DLGAP1: variants seen among roughly 807,000 people sequenced by gnomAD.
DLGAP1 encodes the protein disks large-associated protein 1.
A neutral mutation model predicts 90.8 loss-of-function variants in DLGAP1; 11 were observed. The observed-to-expected ratio is 0.12, with a 90% CI of 0.08 to 0.20. DLGAP1 has a LOEUF of 0.20. DLGAP1 is among the 10% of genes least tolerant of loss of function. DLGAP1 has a pLI of 1.00. For synonymous variants in DLGAP1, 558 were observed against 540.7 expected (o/e 1.03, Z -0.44); for missense variants, 1,050 against 1,333.8 (o/e 0.79, Z 3.31).
chr18:3,667,848 C>A (rs879629326), intron 7 of DLGAP1, among the ~76,000 whole-genome samples: 7 of 152,242 alleles, frequency 4.6e-5, no homozygotes, highest in Non-Finnish European at 7.4e-5. Flanking sequence ...CTAGAATATG[C>A]CACTGTGGCA....
intron 7 of DLGAP1, among the ~76,000 whole-genome samples, chr18:3,728,118 A>T (rs973616894): frequency 2.0e-5 from 3 of 152,126 alleles, no homozygotes; most frequent in African/African-American, 7.2e-5. Context: ...TGCACCTAGC[A>T]CTAAAATGGA....
At chr18:4,095,851 C>T (rs977304158) in intron 2 of DLGAP1, among the ~76,000 whole-genome samples, 1 of 152,016 alleles carries the variant, frequency 6.6e-6, no homozygotes, top group African/African-American at 2.4e-5. Context: ...TTCTCCACCC[C>T]GAGAACATAA....
chr18:3,643,788 A>G (rs1217942845), intron 7 of DLGAP1, among the ~76,000 whole-genome samples: 2 of 152,168 alleles, frequency 1.3e-5, no homozygotes, highest in African/African-American at 4.8e-5. Context: ...TGGAAAACCC[A>G]AAAGTTTGAT....
chr18:4,178,702 A>C (rs2077159299), intron 1 of DLGAP1, among the ~76,000 whole-genome samples: 1 of 152,178 alleles, frequency 6.6e-6, no homozygotes. Context: ...CATATTTTAT[A>C]TTATGAAAAC....
Position 4,192,509 on chromosome 18 carries a change from T to C in DLGAP1, c.-266-41222A>G, listed in dbSNP as rs1471081731. Among the ~76,000 whole-genome samples the C allele has an allele frequency of 2.6e-5, 4 of 152,188 alleles. No homozygotes were observed. The East Asian group carries it at 7.7e-4, about 29-fold the overall frequency. On this transcript the variant is annotated intron_variant, in intron 1 of 12. Transcript: ENST00000315677. ...TACTTATCCTGTAACCCCAACTAAC[T>C]TGAAGTTCCCCTCTACCCTGCTCCG...
intron 2 of DLGAP1, among the ~76,000 whole-genome samples, chr18:4,144,455 T>C (rs1330979620): frequency 6.6e-6 from 1 of 152,132 alleles, no homozygotes; most frequent in Non-Finnish European, 1.5e-5. Context: ...CACACCGATT[T>C]CCTCTCTGAG....
At chr18:4,136,122 C>T (rs538322908) in intron 2 of DLGAP1, among the ~76,000 whole-genome samples, 5 of 152,016 alleles carry the variant, frequency 3.3e-5, no homozygotes, top group African/African-American at 1.2e-4. Context: ...CGACATACCA[C>T]ATTTTCTTTA....
chr18:4,058,898 G>A lies in DLGAP1; in HGVS notation c.-158-53697C>T, dbSNP rs532125548. ...ATCTGAGAAAAGAGACAATCATTTT[G>A]TTGCTAAAATGCTCTGAGTGAGAGT... On this transcript the variant is annotated intron_variant, in intron 2 of 12. Transcript: ENST00000315677. Among the ~76,000 whole-genome samples the A allele has an allele frequency of 1.3e-3, 191 of 152,324 alleles. 1 individual carries two copies. Among genetic ancestry groups the A allele is most frequent in the African/African-American group, 4.3e-3 (179 of 41,578 alleles).
chr18:3,935,607 T>C (rs1237244184), intron 3 of DLGAP1, among the ~76,000 whole-genome samples: 1 of 152,184 alleles, frequency 6.6e-6, no homozygotes, highest in African/African-American at 2.4e-5. Context: ...CATCTGCTAT[T>C]CTTGTTTGCC....
intron 4 of DLGAP1, among the ~76,000 whole-genome samples, chr18:3,877,311 G>A (rs2071029049): frequency 6.6e-6 from 1 of 152,176 alleles, no homozygotes; most frequent in African/African-American, 2.4e-5. Context: ...AAGGAAGGAA[G>A]AATGTAGGCA....
At chr18:3,567,434 C>T in intron 9 of DLGAP1, 56 bp downstream of exon 9, 1 of 1,453,762 alleles carries the variant, frequency 6.9e-7, no homozygotes, top group Non-Finnish European at 9.6e-7. Flanking sequence ...GGGAAAAATG[C>T]TTTTACCTTA....
intron 1 of DLGAP1, among the ~76,000 whole-genome samples, chr18:4,401,227 T>C (rs1640039145): frequency 6.6e-6 from 1 of 152,198 alleles, no homozygotes; most frequent in South Asian, 2.1e-4. Context: ...AAAACTCCTT[T>C]GTCAAAACGG....
At chr18:3,980,084 C>G (rs543310217) in intron 3 of DLGAP1, among the ~76,000 whole-genome samples, 2 of 152,036 alleles carry the variant, frequency 1.3e-5, no homozygotes, top group Admixed American at 6.6e-5. Flanking sequence ...TACAGTAAGC[C>G]AAGATAGTGC....
At chr18:4,420,939 C>T (rs570167126) in intron 1 of DLGAP1, among the ~76,000 whole-genome samples, 24 of 152,168 alleles carry the variant, frequency 1.6e-4, no homozygotes, top group Non-Finnish European at 2.8e-4. Flanking sequence ...GTCTGTTATA[C>T]ATGATGATAC....
At chr18:4,395,831 C>T (rs367922849) in intron 1 of DLGAP1, among the ~76,000 whole-genome samples, 6 of 152,160 alleles carry the variant, frequency 3.9e-5, no homozygotes, top group South Asian at 4.1e-4. Flanking sequence ...CATAATCAAA[C>T]GCCCAAGTAA....
intron 2 of DLGAP1, among the ~76,000 whole-genome samples, chr18:4,115,677 G>A (rs543191496): frequency 1.6e-4 from 24 of 152,024 alleles, no homozygotes; most frequent in Non-Finnish European, 2.6e-4. Flanking sequence ...TAGTACAGAC[G>A]GGGTTTCACC....
At chr18:4,285,037 T>A (rs886292536) in intron 1 of DLGAP1, among the ~76,000 whole-genome samples, 11 of 91,160 alleles carry the variant, frequency 1.2e-4, no homozygotes, top group Non-Finnish European at 2.2e-4. Flanking sequence ...AAAACTATTT[T>A]TTTTTACAAA....
chr18:3,906,486 C>G (rs2071909492), intron 3 of DLGAP1, among the ~76,000 whole-genome samples: 1 of 152,214 alleles, frequency 6.6e-6, no homozygotes, highest in Admixed American at 6.5e-5. Context: ...AGTACAGGAA[C>G]TCTCACACCA....
intron 1 of DLGAP1, among the ~76,000 whole-genome samples, chr18:4,356,386 A>G (rs983589226): frequency 6.6e-6 from 1 of 152,196 alleles, no homozygotes. Context: ...GATTACCAGT[A>G]GGCACCTTAA....
Sources: allele counts gnomAD v4.1 joint callset (sites outside exome capture counted in the v4.1 genomes callset), GRCh38; gene constraint gnomAD v4.1.1; transcripts MANE v1.5; gene names NCBI Gene and HGNC (gene_info 2026-07-23, HGNC 2026-07-21).